The following CFAP100 variants were observed in gnomAD, a reference collection of about 807,000 sequenced individuals.
The protein encoded by CFAP100 is cilia and flagella associated protein 100, also known as cilia- and flagella-associated protein 100.
A neutral mutation model predicts 81.5 loss-of-function variants in CFAP100; 70 were observed. That is an observed-to-expected ratio of 0.86 (90% CI 0.71 to 1.05). The LOEUF (loss-of-function observed/expected upper bound fraction) is 1.05. CFAP100 is among the 50% of genes least tolerant of loss of function. The pLI is 0.00. For missense variants in CFAP100, 811 were observed against 776.5 expected, an observed-to-expected ratio of 1.04 and a Z score of -0.53; for synonymous variants, 341 against 314.8, an observed-to-expected ratio of 1.08 and a Z score of -0.88.
At chr3:126,404,242 T>C (rs1268780188) in intron 2 of CFAP100, among the ~76,000 whole-genome samples, 1 of 151,294 alleles carries the variant, frequency 6.6e-6, no homozygotes, top group African/African-American at 2.4e-5. Context: ...AAGTTGGTGA[T>C]GGAAGAGTAT....
intron 2 of CFAP100, among the ~76,000 whole-genome samples, chr3:126,399,755 A>C (rs1368793271): frequency 2.0e-5 from 3 of 152,218 alleles, no homozygotes; most frequent in Non-Finnish European, 4.4e-5. Flanking sequence ...AAATGCTTGC[A>C]GCTTGCAGGG....
At position 126,418,418 on chromosome 3, in the gene CFAP100, G is replaced by A. The variant is rs78959793; in HGVS notation, c.419-40G>A. The A allele has an allele frequency of 1.9e-6, 3 of 1,604,964 alleles. No individual in the cohort carries two copies. The East Asian group carries it at 6.7e-5, about 36-fold the overall frequency. On this transcript the variant is annotated intron_variant, in intron 5 of 16. Coordinates refer to ENST00000352312, the MANE Select transcript of CFAP100 (RefSeq NM_182628.3). ...GACCTGCCAGGCCCCTCCTCAGCCTGGGCTTCCCGCTCCTGCTCACCTCCC... is the reference window on the plus strand; with the variant it reads ...GACCTGCCAGGCCCCTCCTCAGCCTAGGCTTCCCGCTCCTGCTCACCTCCC...
intron 11 of CFAP100, chr3:126,420,549 G>A (rs1051548081): frequency 5.2e-6 from 2 of 387,676 alleles, no homozygotes; most frequent in Non-Finnish European, 4.8e-6. Context: ...TGGCCCTGGG[G>A]GGATAGGTAC....
chr3:126,435,047 C>T lies in CFAP100; in HGVS notation c.1629-512C>T, dbSNP rs574883721. 2.0e-5 allele frequency among the ~76,000 whole-genome samples: 3 copies of T among 152,296 alleles called. No individual in the cohort carries two copies. In the East Asian group the frequency reaches 5.8e-4, roughly 29 times the overall value. On this transcript the variant is annotated intron_variant, in intron 15 of 16. Transcript: ENST00000352312. ...CCCCGTGCAGGGCTCTGAGACAGCG[C>T]AATCTGCAAACATCCATCCGTCCCC...
intron 2 of CFAP100, among the ~76,000 whole-genome samples, chr3:126,400,956 C>G (rs747137683): frequency 6.6e-6 from 1 of 152,346 alleles, no homozygotes; most frequent in South Asian, 2.1e-4. Flanking sequence ...AATGGAGGAA[C>G]AGATACAGAA....
Position 126,414,163 on chromosome 3 carries a change from G to A in CFAP100, c.209G>A (p.Arg70Gln), listed in dbSNP as rs199685364. The A allele has an allele frequency of 3.8e-5, 61 of 1,613,372 alleles. No individual in the cohort carries two copies. Among genetic ancestry groups the A allele is most frequent in the Admixed American group, 2.3e-4 (14 of 60,002 alleles). ...VDFFLLRDQE[R>Q]NKALSERQQQ... The stretch of plus-strand genomic sequence containing the variant: ...TTCTTCTTGCTCAGAGATCAGGAGC[G>A]GAATAAGGCTCTCTCCGTGAGTATC... The change falls in exon 4 of 17, where the codon CGG becomes CAG. Residue 70 changes from arginine (R) to glutamine (Q), a missense_variant. By Grantham distance (43) the Arg-to-Gln change is conservative (BLOSUM62 1). Transcript: ENST00000352312.
rs1199562388 is a variant in CFAP100 at position 126,434,082 on chromosome 3, C to T, written c.1423-94C>T. 9.0e-6 allele frequency: 10 copies of T among 1,110,434 alleles called. No individual in the cohort carries two copies. The East Asian group carries it at 1.9e-4, about 21-fold the overall frequency. The allele number at this position is 1,110,434 out of a possible 1,614,324, so 68.8% of individuals were successfully genotyped here. ...CCACTGTGTGCCAAGCGGTGGCCCC[C>T]ACCCTGGGAGGTCAGCAGGCCACCG... is the stretch of plus-strand genomic sequence containing the variant. On this transcript the variant is annotated intron_variant, in intron 14 of 16. Coordinates refer to ENST00000352312, the MANE Select transcript of CFAP100 (RefSeq NM_182628.3).
chr3:126,435,196 G>C (rs1291402742), intron 15 of CFAP100, among the ~76,000 whole-genome samples: 1 of 152,156 alleles, frequency 6.6e-6, no homozygotes, highest in Non-Finnish European at 1.5e-5. Flanking sequence ...GGGGATGCTG[G>C]CCTTCATGGT....
chr3:126,421,573 CTG>C (rs975179983), intron 11 of CFAP100, among the ~76,000 whole-genome samples: 6 of 152,222 alleles, frequency 3.9e-5, no homozygotes, highest in African/African-American at 1.4e-4. Flanking sequence ...TGCCCGGGCC[CTG>C]TGTCTGTGGC....
In CFAP100 at chr3:126,418,444, T is replaced by C; in HGVS notation, c.419-14T>C. 6.2e-7 allele frequency: 1 copy of C among 1,613,828 alleles called. No individual in the cohort carries two copies. Among genetic ancestry groups the C allele is most frequent in the South Asian group, 1.1e-5 (1 of 91,084 alleles). On this transcript the variant is annotated splice_polypyrimidine_tract_variant and intron_variant, in intron 5 of 16. Coordinates refer to ENST00000352312, the MANE Select transcript of CFAP100 (RefSeq NM_182628.3). ...GGCTTCCCGCTCCTGCTCACCTCCCTCTTCTTCCAGCAGAAAAGAATGTGG... is the reference window on the plus strand; with the variant it reads ...GGCTTCCCGCTCCTGCTCACCTCCCCCTTCTTCCAGCAGAAAAGAATGTGG...
At chr3:126,433,495 G>C (rs1933314943) in intron 14 of CFAP100, 1 of 366,026 alleles carries the variant, frequency 2.7e-6, no homozygotes, top group African/African-American at 2.1e-5. Flanking sequence ...AGGGGGGGAA[G>C]AGGCGTGTCC....
intron 13 of CFAP100, among the ~76,000 whole-genome samples, chr3:126,427,946 T>G (rs1933022545): frequency 6.6e-6 from 1 of 152,148 alleles, no homozygotes. Context: ...TGCCACACAC[T>G]TTTAAACAAC....
intron 13 of CFAP100, among the ~76,000 whole-genome samples, chr3:126,425,399 A>C (rs1312070187): frequency 1.3e-5 from 2 of 152,252 alleles, no homozygotes; most frequent in Non-Finnish European, 2.9e-5. Flanking sequence ...CTATTCCATT[A>C]AACAAATTAA....
At chr3:126,401,689 G>A (rs1454815423) in intron 2 of CFAP100, among the ~76,000 whole-genome samples, 1 of 151,782 alleles carries the variant, frequency 6.6e-6, no homozygotes, top group African/African-American at 2.4e-5. Flanking sequence ...AGCAGCAGGT[G>A]GGAGGGGGAG....
intron 11 of CFAP100, chr3:126,420,676 T>G (rs1250962745): frequency 5.8e-6 from 1 of 170,992 alleles, no homozygotes; most frequent in African/African-American, 2.4e-5. Context: ...ATTTCCTGTC[T>G]CCATGGATTG....
Position 126,412,396 on chromosome 3 carries a change from C to G in CFAP100, c.131-1689C>G, listed in dbSNP as rs62264691. Among the ~76,000 whole-genome samples the G allele has an allele frequency of 1.5e-3, 233 of 152,298 alleles. 2 individuals are homozygous for G. Among genetic ancestry groups the G allele is most frequent in the Middle Eastern group, 3.4e-3 (1 of 294 alleles). Reference sequence around the variant, plus strand: ...TTCGCCATAGAAGGTGACACTATCACAGGTTTGGGGATTAGGGCACGGGCA... The same window carrying G: ...TTCGCCATAGAAGGTGACACTATCAGAGGTTTGGGGATTAGGGCACGGGCA... On this transcript the variant is annotated intron_variant, in intron 3 of 16. Transcript: ENST00000352312.
Position 126,419,095 on chromosome 3 carries a change from GC to G in CFAP100, c.672del (p.Lys225ArgfsTer2). The G allele has an allele frequency of 7.6e-7, 1 of 1,316,486 alleles. No homozygotes were observed. The highest frequency in any genetic ancestry group is 1.0e-6 in the Non-Finnish European group (1 of 995,444). 81.6% of individuals were successfully genotyped at this position (1,316,486 alleles called of 1,614,324 possible). A position where few individuals can be genotyped will look rare whatever the true frequency, so the allele number is the denominator to read the frequency against. On this transcript the variant is annotated frameshift_variant, in exon 8 of 17. Transcript: ENST00000352312. LOFTEE classifies it high-confidence loss of function. ...AMRAAEKETKAKIEKILEIRD... is the reference protein window; with the variant it reads ...AMRAAEKETKXKIEKILEIRD... ...CCCTAGGGCTGAGAAGGAGACCAAA[GC>G]CAAGATAGAGAAGATCCTTGAGATC...
At position 126,435,607 on chromosome 3, in the gene CFAP100, T is replaced by C. The variant is rs752661095; in HGVS notation, c.1677T>C (p.His559=). The C allele has an allele frequency of 5.6e-6, 9 of 1,612,268 alleles. No individual in the cohort carries two copies. The Admixed American group carries it at 1.3e-4, about 24-fold the overall frequency. ...LQMQKILQEE[H]LQRARARAQA... is the part of the protein sequence containing the mutation. ...TGCAAAAGATCCTACAGGAGGAGCA[T>C]CTGCAGCGGGCCCGGGCGCGCGCCC... The change falls in exon 16 of 17, where the codon CAT becomes CAC. Residue 559 remains histidine (H), a synonymous_variant. Transcript: ENST00000352312.
chr3:126,431,296 C>G (rs532840321), intron 13 of CFAP100, among the ~76,000 whole-genome samples: 11 of 152,294 alleles, frequency 7.2e-5, no homozygotes, highest in African/African-American at 2.6e-4. Context: ...GGTGATCCAT[C>G]CATGACAGTT....
Sources: allele counts gnomAD v4.1 joint callset (sites outside exome capture counted in the v4.1 genomes callset), GRCh38; gene constraint gnomAD v4.1.1; transcripts MANE v1.5; gene names NCBI Gene and HGNC (gene_info 2026-07-23, HGNC 2026-07-21).